Variants in RANBP2 observed in about 807,000 individuals in gnomAD.
RANBP2 encodes the protein E3 SUMO-protein ligase RanBP2.
RANBP2 carries 57 observed loss-of-function variants against 303.6 expected under a neutral mutation model. That is an observed-to-expected ratio of 0.19 (90% CI 0.15 to 0.23). The LOEUF is 0.23. Ranked by LOEUF, RANBP2 falls within the 10% of genes least tolerant of loss-of-function variation. The pLI is 1.00. For synonymous variants in RANBP2, 1,167 were observed against 1,301.5 expected, an observed-to-expected ratio of 0.90 and a Z score of 2.23; for missense variants, 3,138 against 3,780.8, an observed-to-expected ratio of 0.83 and a Z score of 4.46.
chr2:109,467,249 TG>T, the RANBP2 span, among the ~76,000 whole-genome samples: 1 of 152,242 alleles, frequency 6.6e-6, no homozygotes, highest in Non-Finnish European at 1.5e-5. Context: ...GCCAATCAGC[TG>T]ATGAATGCAT....
the RANBP2 span, among the ~76,000 whole-genome samples, chr2:108,903,316 C>A: frequency 6.6e-6 from 1 of 151,970 alleles, no homozygotes; most frequent in Non-Finnish European, 1.5e-5. Flanking sequence ...CAAATCTTCC[C>A]AGATTGATAT....
chr2:109,198,492 T>C, the RANBP2 span, among the ~76,000 whole-genome samples: 1 of 152,180 alleles, frequency 6.6e-6, no homozygotes, highest in Admixed American at 6.5e-5. Context: ...CAGGCTGCTA[T>C]AACAAAATAC....
the RANBP2 span, chr2:109,348,032 C>T: frequency 1.3e-6 from 2 of 1,483,272 alleles, no homozygotes; most frequent in Non-Finnish European, 1.8e-6. Context: ...AGACCTATAG[C>T]CAGACAGTCT....
chr2:109,055,609 C>CTGCT, the RANBP2 span, among the ~76,000 whole-genome samples: 4 of 152,018 alleles, frequency 2.6e-5, no homozygotes, highest in East Asian at 7.7e-4. Context: ...TGGTCTCGAA[C>CTGCT]TGCTGACCTA....
the RANBP2 span, among the ~76,000 whole-genome samples, chr2:109,623,129 A>G: frequency 6.6e-6 from 1 of 152,292 alleles, no homozygotes; most frequent in Admixed American, 6.5e-5. Flanking sequence ...TCTGTCTCAA[A>G]AAAGAAAACA....
At chr2:108,754,577 T>C (rs1174421661) in intron 15 of RANBP2, among the ~76,000 whole-genome samples, 10 of 150,968 alleles carry the variant, frequency 6.6e-5, no homozygotes, top group Non-Finnish European at 1.5e-4. Flanking sequence ...TTGGAAAAGC[T>C]TTCCAAGTTA....
At chr2:108,959,913 C>T in the RANBP2 span, among the ~76,000 whole-genome samples, 5 of 152,214 alleles carry the variant, frequency 3.3e-5, no homozygotes, top group Non-Finnish European at 7.3e-5. Flanking sequence ...ACTTGCCCTA[C>T]ACAACATTCT....
chr2:109,031,033 TG>T, the RANBP2 span, among the ~76,000 whole-genome samples: 9 of 152,142 alleles, frequency 5.9e-5, no homozygotes, highest in Admixed American at 5.9e-4. Context: ...CACTGACTCA[TG>T]GTAAGACACG....
At chr2:109,692,045 G>C in the RANBP2 span, among the ~76,000 whole-genome samples, 1 of 152,096 alleles carries the variant, frequency 6.6e-6, no homozygotes, top group East Asian at 1.9e-4. Context: ...GCCTCCTAAA[G>C]TGCTGGGATT....
At chr2:109,666,925 T>C in the RANBP2 span, among the ~76,000 whole-genome samples, 1 of 152,186 alleles carries the variant, frequency 6.6e-6, no homozygotes, top group Non-Finnish European at 1.5e-5. Context: ...ATAAGCTATT[T>C]GTATTTGTTC....
At chr2:109,271,697 A>G in the RANBP2 span, among the ~76,000 whole-genome samples, 2 of 152,226 alleles carry the variant, frequency 1.3e-5, no homozygotes. Context: ...TTTAGGACGA[A>G]GGGCCCCCCT....
rs34665362 is a variant in RANBP2 at position 108,733,257 on chromosome 2, C to CTTT, written c.405+1807_405+1809dup. On this transcript the variant is annotated intron_variant, in intron 4 of 28. Coordinates refer to ENST00000283195, the MANE Select transcript of RANBP2 (RefSeq NM_006267.5). ...TCATGGTCCACAATTTAACCATTCC[C>CTTT]TTTTTTTTTTTTTTTTTTTTTTTTT... Among the ~76,000 whole-genome samples the CTTT allele has an allele frequency of 8.5e-4, 72 of 85,022 alleles. 3 individuals are homozygous for CTTT. The highest frequency in any genetic ancestry group is 2.8e-3 in the African/African-American group (46 of 16,244). The allele number at this position is 85,022 out of a possible 152,430, so 55.8% of individuals were successfully genotyped here.
At chr2:108,946,923 A>C in the RANBP2 span, among the ~76,000 whole-genome samples, 9 of 151,848 alleles carry the variant, frequency 5.9e-5, no homozygotes, top group Non-Finnish European at 1.2e-4. Flanking sequence ...AAAACCAATC[A>C]TGCCTTCCCA....
the RANBP2 span, among the ~76,000 whole-genome samples, chr2:109,065,440 G>A: frequency 0.032 from 4,885 of 152,218 alleles, 291 homozygotes; most frequent in African/African-American, 0.11. Context: ...CTTGCTGGGC[G>A]TCACTCCCAA....
At chr2:109,061,192 G>A in the RANBP2 span, among the ~76,000 whole-genome samples, 1 of 152,092 alleles carries the variant, frequency 6.6e-6, no homozygotes, top group Non-Finnish European at 1.5e-5. Context: ...CCTGGGAGCT[G>A]TGCAATGTAA....
the RANBP2 span, chr2:108,929,046 G>A: frequency 1.1e-6 from 1 of 892,406 alleles, no homozygotes; most frequent in Non-Finnish European, 1.8e-6. Flanking sequence ...CGTCCTGGAT[G>A]CTGCTCCTTG....
the RANBP2 span, among the ~76,000 whole-genome samples, chr2:109,166,966 GCCATC>G: frequency 6.6e-6 from 1 of 152,124 alleles, no homozygotes; most frequent in Non-Finnish European, 1.5e-5. Flanking sequence ...TTGTAAAAGG[GCCATC>G]CCCTTTGCCT....
the RANBP2 span, among the ~76,000 whole-genome samples, chr2:109,010,266 T>C: frequency 3.9e-5 from 6 of 152,194 alleles, no homozygotes; most frequent in Admixed American, 6.5e-5. Context: ...CAGTTTTAGA[T>C]ACTATTGGCA....
the RANBP2 span, chr2:109,614,362 T>G: frequency 1.0e-5 from 8 of 798,668 alleles, no homozygotes; most frequent in Non-Finnish European, 1.3e-5. Flanking sequence ...TCCTCTGGCC[T>G]CAGACGCGTA....
Sources: allele counts gnomAD v4.1 joint callset (sites outside exome capture counted in the v4.1 genomes callset), GRCh38; gene constraint gnomAD v4.1.1; transcripts MANE v1.5; gene names NCBI Gene and HGNC (gene_info 2026-07-23, HGNC 2026-07-21).